The following NKD1 variants were observed in gnomAD, a reference collection of about 807,000 sequenced individuals.
NKD1 encodes the protein NKD inhibitor of Wnt signaling pathway 1, also known as protein naked cuticle homolog 1.
A neutral mutation model predicts 56.0 loss-of-function variants in NKD1; 21 were observed. The ratio of observed to expected loss-of-function variants is 0.38; its 90% CI spans 0.27 to 0.54. The LOEUF is 0.54. Among genes scored for constraint, NKD1 ranks in the 20% least tolerant of loss-of-function variants. The pLI is 0.82. For missense variants in NKD1, 578 were observed against 642.7 expected, an observed-to-expected ratio of 0.90 and a Z score of 1.09; for synonymous variants, 263 against 265.7, an observed-to-expected ratio of 0.99 and a Z score of 0.10.
intron 5 of NKD1, chr16:50,625,203 C>A: frequency 2.1e-6 from 1 of 481,996 alleles, no homozygotes; most frequent in Non-Finnish European, 3.8e-6. Flanking sequence ...GCCACAGTGC[C>A]TCTTCTCAGA....
intron 3 of NKD1, among the ~76,000 whole-genome samples, chr16:50,567,725 G>A (rs896404845): frequency 2.0e-5 from 3 of 152,212 alleles, no homozygotes; most frequent in Admixed American, 6.5e-5. Flanking sequence ...TACCTGCCTG[G>A]CTGGACACCA....
chr16:50,587,077 C>G (rs755320667), intron 3 of NKD1, among the ~76,000 whole-genome samples: 4 of 152,244 alleles, frequency 2.6e-5, no homozygotes, highest in Non-Finnish European at 5.9e-5. Context: ...ATATAAAGTA[C>G]TCACATGTAT....
intron 3 of NKD1, chr16:50,606,816 G>T (rs771163942): frequency 2.2e-6 from 1 of 456,704 alleles, no homozygotes. Context: ...GGGAAGCTCT[G>T]CCTACCAGCC....
At chr16:50,603,771 G>C (rs538617699) in intron 3 of NKD1, among the ~76,000 whole-genome samples, 1 of 152,358 alleles carries the variant, frequency 6.6e-6, no homozygotes, top group South Asian at 2.1e-4. Context: ...ATAAGGTATC[G>C]TGCCTGGATT....
intron 5 of NKD1, among the ~76,000 whole-genome samples, chr16:50,621,912 C>T (rs1962100697): frequency 6.6e-6 from 1 of 152,238 alleles, no homozygotes; most frequent in Non-Finnish European, 1.5e-5. Context: ...CTGCCCACCC[C>T]CTCAGCCCAG....
chr16:50,553,517 C>G (rs987014312), intron 3 of NKD1: 1 of 152,174 alleles, frequency 6.6e-6, no homozygotes, highest in African/African-American at 2.4e-5. Flanking sequence ...CCCATGGGGA[C>G]GTGTGGGGTT....
At chr16:50,570,478 C>T (rs890805781) in intron 3 of NKD1, among the ~76,000 whole-genome samples, 4 of 152,212 alleles carry the variant, frequency 2.6e-5, no homozygotes, top group Admixed American at 2.6e-4. Flanking sequence ...GTACTGGCCC[C>T]AGAGATAGCC....
chr16:50,550,568 G>C (rs762679523), intron 3 of NKD1, among the ~76,000 whole-genome samples: 4 of 151,980 alleles, frequency 2.6e-5, no homozygotes, highest in Non-Finnish European at 5.9e-5. Context: ...AATAACCTCT[G>C]GGCCTAGGAG....
chr16:50,575,767 A>G (rs1204623401), intron 3 of NKD1, among the ~76,000 whole-genome samples: 1 of 152,250 alleles, frequency 6.6e-6, no homozygotes, highest in Non-Finnish European at 1.5e-5. Context: ...AAAATGGGAA[A>G]ACACCAGGCC....
At chr16:50,579,346 C>T (rs988061904) in intron 3 of NKD1, among the ~76,000 whole-genome samples, 1 of 148,526 alleles carries the variant, frequency 6.7e-6, no homozygotes, top group Admixed American at 6.7e-5. Context: ...CACGCATGCA[C>T]TGTCTTACTC....
chr16:50,602,298 A>G (rs1312928893), intron 3 of NKD1, among the ~76,000 whole-genome samples: 1 of 152,138 alleles, frequency 6.6e-6, no homozygotes, highest in Non-Finnish European at 1.5e-5. Flanking sequence ...AGATCTGCCC[A>G]TTGATGGGAT....
At position 50,632,154 on chromosome 16, in the gene NKD1, T is replaced by C. The variant is rs924202219; in HGVS notation, c.696-127T>C. The C allele has an allele frequency of 1.1e-6, 1 of 875,924 alleles. No homozygotes were observed. The highest frequency in any genetic ancestry group is 1.8e-6 in the Non-Finnish European group (1 of 566,814). 54.3% of individuals were successfully genotyped at this position (875,924 alleles called of 1,614,324 possible). On this transcript the variant is annotated intron_variant, in intron 8 of 9. Coordinates refer to ENST00000268459, the MANE Select transcript of NKD1 (RefSeq NM_033119.5). This position sits in a 1 kb window ranked among gnomAD's most constrained non-coding sequence, Gnocchi z 4.1. The stretch of plus-strand genomic sequence containing the variant: ...TATAGAGGACTGTTCCTCCCCACCC[T>C]CTCCAAAGGCCAAGAAGGAAATGAA...
intron 3 of NKD1, among the ~76,000 whole-genome samples, chr16:50,572,560 G>T (rs1567337568): frequency 2.6e-5 from 4 of 152,152 alleles, no homozygotes; most frequent in Admixed American, 2.0e-4. Context: ...GGGGGTAGTG[G>T]AGTTGTCTGC....
rs1162420610 is a variant in NKD1, at chr16:50,598,611, T to G, written c.193-9683T>G. Reference sequence around the variant, plus strand: ...ACCCTGGCAGCAGACCGGGGGCCTGTCCCAGGGCCAGGAACTGCTGGCAGA... The same window carrying G: ...ACCCTGGCAGCAGACCGGGGGCCTGGCCCAGGGCCAGGAACTGCTGGCAGA... On this transcript the variant is annotated intron_variant, in intron 3 of 9. Coordinates refer to ENST00000268459, the MANE Select transcript of NKD1 (RefSeq NM_033119.5). The surrounding 1 kb of genome is among the most constrained non-coding windows in gnomAD (Gnocchi z 4.2). Among the ~76,000 whole-genome samples the G allele has an allele frequency of 6.6e-6, 1 of 152,122 alleles. No homozygotes were observed.
intron 4 of NKD1, among the ~76,000 whole-genome samples, chr16:50,618,529 C>A (rs1900697294): frequency 6.6e-6 from 1 of 152,198 alleles, no homozygotes; most frequent in African/African-American, 2.4e-5. Flanking sequence ...TCAGAGGGCT[C>A]ATATGTGGAT....
At chr16:50,593,410 G>C (rs958136522) in intron 3 of NKD1, among the ~76,000 whole-genome samples, 2 of 152,188 alleles carry the variant, frequency 1.3e-5, no homozygotes, top group South Asian at 2.1e-4. Context: ...CTGTTTTCCT[G>C]GGTATTAGCT....
chr16:50,567,606 G>T (rs997177674), intron 3 of NKD1, among the ~76,000 whole-genome samples: 11 of 152,138 alleles, frequency 7.2e-5, no homozygotes, highest in Admixed American at 7.2e-4. Context: ...CTCCTCCTTG[G>T]CCAAGGACAG....
At chr16:50,569,947 C>G in intron 3 of NKD1, among the ~76,000 whole-genome samples, 1 of 152,230 alleles carries the variant, frequency 6.6e-6, no homozygotes, top group Middle Eastern at 3.4e-3. Flanking sequence ...TGGAGCCGGG[C>G]GGGCACTGCC....
At chr16:50,565,255 C>T (rs981923692) in intron 3 of NKD1, among the ~76,000 whole-genome samples, 3 of 151,994 alleles carry the variant, frequency 2.0e-5, no homozygotes, top group African/African-American at 2.4e-5. Context: ...GCCTGTAGTC[C>T]CAGCTACTCA....
Sources: gnomAD v4.1 joint callset for allele counts (sites outside exome capture counted in the v4.1 genomes callset) on GRCh38, gnomAD v4.1.1 for gene constraint, Gnocchi (gnomAD v3.1) non-coding constraint, MANE v1.5 for transcripts, NCBI Gene and HGNC (gene_info 2026-07-23, HGNC 2026-07-21) for gene names.